Variants in CDH22 observed in about 807,000 individuals in gnomAD.
The protein encoded by CDH22 is cadherin-22.
CDH22 carries 30 observed loss-of-function variants against 58.4 expected under a neutral mutation model. The observed-to-expected ratio is 0.51, with a 90% CI of 0.38 to 0.70. The LOEUF (loss-of-function observed/expected upper bound fraction) is 0.70, where lower values mean the gene tolerates loss of function less well. Ranked by LOEUF, CDH22 falls within the 30% of genes least tolerant of loss-of-function variation. The pLI is 0.00. For missense variants in CDH22, 1,014 were observed against 1,233.9 expected, an observed-to-expected ratio of 0.82 and a Z score of 2.67; for synonymous variants, 513 against 558.2, an observed-to-expected ratio of 0.92 and a Z score of 1.14.
At chr20:46,206,913 G>A (rs144118257) in intron 7 of CDH22, among the ~76,000 whole-genome samples, 33 of 152,266 alleles carry the variant, frequency 2.2e-4, no homozygotes, top group Admixed American at 1.9e-3. Flanking sequence ...CTGCCAGAAT[G>A]GAACCCTTAG....
rs759577757 is a variant in CDH22, at chr20:46,241,176, C to T, written c.337G>A (p.Asp113Asn). The change falls in exon 3 of 12, where the codon GAC (aspartate) becomes AAC (asparagine). Residue 113 changes from aspartate (D) to asparagine (N), a missense_variant. This residue lies in a region of CDH22 where 806 missense variants were observed against 1,038.7 expected (regional missense o/e 0.78). Coordinates refer to ENST00000537909, the MANE Select transcript of CDH22 (RefSeq NM_021248.3). This position sits in a 1 kb window ranked among gnomAD's most constrained non-coding sequence, Gnocchi z 5.2. ...GCATGAATGTCGCCTGTCAGCTCGT[C>T]GATCAGGAAGATGGTCCCAGCACCC... is the stretch of plus-strand genomic sequence containing the variant. The part of the protein sequence containing the change: ...GEGAGTIFLI[D>N]ELTGDIHAME... The T allele has an allele frequency of 1.2e-5, 19 of 1,614,002 alleles. No homozygotes were observed. Among genetic ancestry groups the T allele is most frequent in the Admixed American group, 6.7e-5 (4 of 59,996 alleles).
At chr20:46,280,309 A>C (rs2086544401) in intron 1 of CDH22, among the ~76,000 whole-genome samples, 1 of 152,160 alleles carries the variant, frequency 6.6e-6, no homozygotes, top group African/African-American at 2.4e-5. Flanking sequence ...AGTCCCAGCT[A>C]CTCGGGAGGC....
At chr20:46,193,867 C>T (rs1200017169) in intron 8 of CDH22, among the ~76,000 whole-genome samples, 2 of 152,114 alleles carry the variant, frequency 1.3e-5, no homozygotes, top group East Asian at 3.9e-4. Context: ...CTCAGATGTC[C>T]TCTTGGCCAG....
At position 46,251,335 on chromosome 20, in the gene CDH22, G is replaced by C. The variant is rs757423400; in HGVS notation, c.-41C>G. On this transcript the variant is annotated 5_prime_UTR_variant, in exon 2 of 12. Transcript: ENST00000537909. The surrounding 1 kb of genome is among the most constrained non-coding windows in gnomAD (Gnocchi z 6.7). ...GGCTGGGGCCCAGGAGCATGGACGAGAGGCACCAGGGCGCCGCTGCTTGGT... is the reference window on the plus strand; with the variant it reads ...GGCTGGGGCCCAGGAGCATGGACGACAGGCACCAGGGCGCCGCTGCTTGGT... The C allele has an allele frequency of 1.2e-5, 17 of 1,415,014 alleles. No individual in the cohort carries two copies. The South Asian group carries it at 2.2e-4, about 19-fold the overall frequency. The allele number at this position is 1,415,014 out of a possible 1,614,324, so 87.7% of individuals were successfully genotyped here.
At chr20:46,225,930 C>G (rs1388949379) in intron 4 of CDH22, among the ~76,000 whole-genome samples, 1 of 152,084 alleles carries the variant, frequency 6.6e-6, no homozygotes, top group Non-Finnish European at 1.5e-5. Flanking sequence ...AATCCTCTCC[C>G]TTCTCCCCCA....
At chr20:46,205,258 C>T (rs1600695931) in intron 7 of CDH22, among the ~76,000 whole-genome samples, 1 of 152,054 alleles carries the variant, frequency 6.6e-6, no homozygotes, top group Non-Finnish European at 1.5e-5. Flanking sequence ...ATGGTAATGA[C>T]CATTTCTCGA....
Position 46,216,625 on chromosome 20 carries a change from G to A in CDH22, c.838+201C>T, listed in dbSNP as rs565217008. 6.6e-6 allele frequency among the ~76,000 whole-genome samples: 1 copy of A among 152,210 alleles called. No individual in the cohort carries two copies. Among genetic ancestry groups the A allele is most frequent in the Non-Finnish European group, 1.5e-5 (1 of 68,000 alleles). On this transcript the variant is annotated intron_variant, in intron 5 of 11. Transcript: ENST00000537909. The surrounding 1 kb of genome is among the most constrained non-coding windows in gnomAD (Gnocchi z 5.3). Reference sequence around the variant, plus strand: ...TCTGTGGAGCATCGGACAGCCCTGGGGTCTTCCTTGGTAGGAAGCATGGTT... The same window carrying A: ...TCTGTGGAGCATCGGACAGCCCTGGAGTCTTCCTTGGTAGGAAGCATGGTT...
intron 5 of CDH22, among the ~76,000 whole-genome samples, chr20:46,213,744 T>C (rs895597101): frequency 6.6e-6 from 1 of 152,170 alleles, no homozygotes; most frequent in Non-Finnish European, 1.5e-5. Context: ...ATGTTAACGG[T>C]AGTTATTCCT....
intron 3 of CDH22, among the ~76,000 whole-genome samples, chr20:46,231,112 T>G (rs1021933818): frequency 6.6e-6 from 1 of 152,184 alleles, no homozygotes; most frequent in African/African-American, 2.4e-5. Flanking sequence ...GAAGTAGAGC[T>G]GGGACTGGTT....
chr20:46,290,019 T>C (rs1299438479), intron 1 of CDH22, among the ~76,000 whole-genome samples: 1 of 152,188 alleles, frequency 6.6e-6, no homozygotes, highest in Non-Finnish European at 1.5e-5. Flanking sequence ...AGGTTGAAGC[T>C]TTGGATTTAA....
At chr20:46,224,042 C>T (rs972755878) in intron 4 of CDH22, among the ~76,000 whole-genome samples, 3 of 151,916 alleles carry the variant, frequency 2.0e-5, no homozygotes, top group South Asian at 2.1e-4. Flanking sequence ...TAGTAGAGAT[C>T]GGGTTTCACC....
chr20:46,233,098 C>A (rs184006300), intron 3 of CDH22, among the ~76,000 whole-genome samples: 1 of 152,218 alleles, frequency 6.6e-6, no homozygotes, highest in Admixed American at 6.5e-5. Context: ...GCAAATAGAA[C>A]AGAGACAGAG....
Position 46,174,195 on chromosome 20 carries a change from A to C in CDH22, c.*311T>G. 2.5e-6 allele frequency: 1 copy of C among 405,492 alleles called. No individual in the cohort carries two copies. Among genetic ancestry groups the C allele is most frequent in the Non-Finnish European group, 4.4e-6 (1 of 229,250 alleles). 25.1% of individuals were successfully genotyped at this position (405,492 alleles called of 1,614,324 possible). A position where few individuals can be genotyped will look rare whatever the true frequency, so the allele number is the denominator to read the frequency against. On this transcript the variant is annotated 3_prime_UTR_variant, in exon 12 of 12. Coordinates refer to ENST00000537909, the MANE Select transcript of CDH22 (RefSeq NM_021248.3). The surrounding 1 kb of genome is among the most constrained non-coding windows in gnomAD (Gnocchi z 4.4). Reference sequence around the variant, plus strand: ...AGCATTCTCCCCCAGGCCAGGATTGAGTGACCCGCCCCTTCCCGACTCTGC... The same window carrying C: ...AGCATTCTCCCCCAGGCCAGGATTGCGTGACCCGCCCCTTCCCGACTCTGC...
At chr20:46,280,518 G>A (rs547473190) in intron 1 of CDH22, among the ~76,000 whole-genome samples, 1 of 152,158 alleles carries the variant, frequency 6.6e-6, no homozygotes, top group African/African-American at 2.4e-5. Context: ...ACCTTCTCAG[G>A]GGGGCTGGCA....
intron 1 of CDH22, among the ~76,000 whole-genome samples, chr20:46,285,120 A>G (rs1276487416): frequency 1.3e-5 from 2 of 152,148 alleles, no homozygotes; most frequent in Non-Finnish European, 2.9e-5. Flanking sequence ...GTTTAGCTGC[A>G]TTCTGGGAAG....
chr20:46,240,042 C>T (rs2086278931), intron 3 of CDH22, among the ~76,000 whole-genome samples: 1 of 151,896 alleles, frequency 6.6e-6, no homozygotes, highest in Non-Finnish European at 1.5e-5. Context: ...CAGTCATACC[C>T]AGGTAAGTGC....
At chr20:46,218,730 G>A (rs973755408) in intron 4 of CDH22, among the ~76,000 whole-genome samples, 13 of 152,126 alleles carry the variant, frequency 8.5e-5, no homozygotes, top group Non-Finnish European at 1.5e-4. Flanking sequence ...AGCTGTTATT[G>A]GAAGCAGGGA....
At chr20:46,265,118 T>C (rs899448456) in intron 1 of CDH22, among the ~76,000 whole-genome samples, 1 of 152,212 alleles carries the variant, frequency 6.6e-6, no homozygotes, top group Admixed American at 6.5e-5. Flanking sequence ...GCTGCTGTTT[T>C]ACACCGCGCC....
At chr20:46,200,060 G>A (rs770460539) in intron 7 of CDH22, among the ~76,000 whole-genome samples, 1 of 151,854 alleles carries the variant, frequency 6.6e-6, no homozygotes, top group Non-Finnish European at 1.5e-5. Flanking sequence ...TGCAAGCTCC[G>A]CCTCCCGGGT....
Sources: allele counts gnomAD v4.1 joint callset (sites outside exome capture counted in the v4.1 genomes callset), GRCh38; gene constraint gnomAD v4.1.1; regional missense constraint gnomAD v4.1.1; non-coding constraint Gnocchi (gnomAD v3.1); transcripts MANE v1.5; gene names NCBI Gene and HGNC (gene_info 2026-07-23, HGNC 2026-07-21).